Variants in ARSB observed in about 807,000 individuals in gnomAD.
ARSB encodes the protein arylsulfatase B, also known as N-acetylgalactosamine-4-sulfatase.
A neutral mutation model predicts 50.9 loss-of-function variants in ARSB; 41 were observed. The observed-to-expected ratio is 0.81, with a 90% CI of 0.63 to 1.04. The LOEUF is 1.04. ARSB is among the 50% of genes least tolerant of loss of function. ARSB has a pLI of 0.00. For missense variants in ARSB, 672 were observed against 693.3 expected (o/e 0.97, Z 0.35); for synonymous variants, 269 against 284.8 (o/e 0.94, Z 0.56).
chr5:78,839,284 G>A lies in ARSB; in HGVS notation c.1213+72C>T, dbSNP rs531239478. ...GGAAAAAAGAGAAAGCTAGGCTAGA[G>A]ACACACTAGGTAATCAAACCATCTT... On this transcript the variant is annotated intron_variant, in intron 6 of 7. Transcript: ENST00000264914. 48 of 1,409,530 alleles carry A rather than the reference G, an allele frequency of 3.4e-5. No individual in the cohort carries two copies. In the African/African-American group the frequency reaches 5.3e-4, roughly 16 times the overall value. The allele number at this position is 1,409,530 out of a possible 1,614,324, so 87.3% of individuals were successfully genotyped here.
intron 4 of ARSB, among the ~76,000 whole-genome samples, chr5:78,925,675 T>C (rs1194350230): frequency 6.6e-6 from 1 of 152,200 alleles, no homozygotes; most frequent in Non-Finnish European, 1.5e-5. Context: ...AACAAGACAC[T>C]TTACTATTCA....
chr5:78,945,060 C>T (rs547686792), intron 4 of ARSB, among the ~76,000 whole-genome samples: 1 of 152,298 alleles, frequency 6.6e-6, no homozygotes, highest in Admixed American at 6.5e-5. Context: ...GCTCCATGGG[C>T]GTAGGACCCT....
At chr5:78,872,961 G>T (rs576240718) in intron 5 of ARSB, among the ~76,000 whole-genome samples, 2 of 152,072 alleles carry the variant, frequency 1.3e-5, no homozygotes, top group Non-Finnish European at 2.9e-5. Context: ...TTAGATCCAG[G>T]AAACGCCAAC....
At chr5:78,817,537 G>A (rs1310610053) in intron 6 of ARSB, among the ~76,000 whole-genome samples, 5 of 152,060 alleles carry the variant, frequency 3.3e-5, no homozygotes, top group Admixed American at 6.5e-5. Context: ...GGCCGGGCGC[G>A]GTGGCTCACA....
At chr5:78,853,333 T>G (rs1346482974) in intron 5 of ARSB, among the ~76,000 whole-genome samples, 1 of 152,352 alleles carries the variant, frequency 6.6e-6, no homozygotes, top group East Asian at 1.9e-4. Context: ...CCAGACCCTG[T>G]TTGCCTGGGT....
intron 5 of ARSB, chr5:78,885,323 G>T: frequency 2.0e-6 from 1 of 501,576 alleles, no homozygotes; most frequent in Non-Finnish European, 3.3e-6. Flanking sequence ...GCAAAACGTC[G>T]CAGCTTCAAA....
At chr5:78,916,802 G>A (rs539287003) in intron 4 of ARSB, among the ~76,000 whole-genome samples, 8 of 152,260 alleles carry the variant, frequency 5.3e-5, no homozygotes, top group African/African-American at 1.9e-4. Context: ...GTTTCTACCA[G>A]TAATTATAAA....
At chr5:78,976,137 C>G (rs1580154756) in intron 1 of ARSB, among the ~76,000 whole-genome samples, 1 of 151,938 alleles carries the variant, frequency 6.6e-6, no homozygotes, top group Non-Finnish European at 1.5e-5. Flanking sequence ...TATCAAGAAA[C>G]CAATAAACAG....
At chr5:78,907,945 A>G (rs1006900211) in intron 4 of ARSB, among the ~76,000 whole-genome samples, 9 of 152,170 alleles carry the variant, frequency 5.9e-5, no homozygotes, top group Admixed American at 5.2e-4. Flanking sequence ...CTACAGAAGG[A>G]TAATTAAAAG....
intron 5 of ARSB, among the ~76,000 whole-genome samples, chr5:78,870,950 A>G (rs2112149777): frequency 6.6e-6 from 1 of 152,258 alleles, no homozygotes; most frequent in South Asian, 2.1e-4. Context: ...TTAAGCTGAT[A>G]AGCAACTTCA....
intron 5 of ARSB, chr5:78,885,227 G>A (rs184573534): frequency 5.9e-6 from 2 of 338,466 alleles, no homozygotes; most frequent in East Asian, 9.4e-5. Flanking sequence ...TTTCCCTGCT[G>A]TTTTGTCCTC....
chr5:78,933,882 T>G (rs1427245372), intron 4 of ARSB, among the ~76,000 whole-genome samples: 1 of 152,092 alleles, frequency 6.6e-6, no homozygotes, highest in Non-Finnish European at 1.5e-5. Context: ...TTATGAGCTC[T>G]AAAAGTTAAA....
intron 4 of ARSB, among the ~76,000 whole-genome samples, chr5:78,946,232 A>G (rs1654709854): frequency 1.3e-5 from 2 of 152,176 alleles, no homozygotes; most frequent in Admixed American, 6.5e-5. Context: ...CTGGAATTAA[A>G]AAGTGCTAGC....
chr5:78,935,428 C>G (rs1303402561), intron 4 of ARSB, among the ~76,000 whole-genome samples: 1 of 152,220 alleles, frequency 6.6e-6, no homozygotes, highest in Non-Finnish European at 1.5e-5. Context: ...AAATAAGCCA[C>G]TTCGTCCTGT....
chr5:78,955,514 G>C lies in ARSB; in HGVS notation c.691-12C>G, dbSNP rs1561525029. 1 of 1,611,706 alleles carries C rather than the reference G, an allele frequency of 6.2e-7. No homozygotes were observed. The highest frequency in any genetic ancestry group is 8.5e-7 in the Non-Finnish European group (1 of 1,177,950). ...TAGAGAAACAGAGGCTGGAAAGAAA[G>C]TTTGTGCAAACCAGTTAAGAGGATA... On this transcript the variant is annotated splice_polypyrimidine_tract_variant and intron_variant, in intron 3 of 7. Coordinates refer to ENST00000264914, the MANE Select transcript of ARSB (RefSeq NM_000046.5).
chr5:78,985,331 C>G (rs1753139368), upstream of ARSB: 14 of 1,179,484 alleles, frequency 1.2e-5, no homozygotes, highest in Non-Finnish European at 1.5e-5. Context: ...GCTGCCGGGG[C>G]CTGCTCCGCC....
rs148067062 is a variant in ARSB at position 78,885,692 on chromosome 5, C to T, written c.1034G>A (p.Arg345Gln). The change falls in exon 5 of 8, where the codon CGG (arginine) becomes CAG (glutamine). Residue 345 changes from arginine (R) to glutamine (Q), a missense_variant. Transcript: ENST00000264914. ...CCAGTCAGAGATGTGGATGAGCTCC[C>T]GGTTCTTCACGCCCTTCTGCTTCAG... ...PLLKQKGVKN[R>Q]ELIHISDWLP... 1.7e-5 allele frequency: 27 copies of T among 1,613,918 alleles called. No individual in the cohort carries two copies. The highest frequency in any genetic ancestry group is 1.9e-5 in the Non-Finnish European group (23 of 1,180,012).
chr5:78,806,073 G>A (rs952242246), intron 6 of ARSB, among the ~76,000 whole-genome samples: 3 of 152,202 alleles, frequency 2.0e-5, no homozygotes, highest in Non-Finnish European at 4.4e-5. Context: ...GCACTAATGC[G>A]CTATGAGTAC....
chr5:78,876,876 C>T (rs116708219), intron 5 of ARSB, among the ~76,000 whole-genome samples: 3,707 of 152,280 alleles, frequency 0.024, 146 homozygotes, highest in African/African-American at 0.083. Context: ...GCACTAAATC[C>T]TCATAGGAGT....
Sources: allele counts gnomAD v4.1 joint callset (sites outside exome capture counted in the v4.1 genomes callset), GRCh38; gene constraint gnomAD v4.1.1; transcripts MANE v1.5; gene names NCBI Gene and HGNC (gene_info 2026-07-23, HGNC 2026-07-21).